The following POU6F2 variants were observed in gnomAD, a reference collection of about 807,000 sequenced individuals.
POU6F2 encodes POU class 6 homeobox 2.
A neutral mutation model predicts 71.3 loss-of-function variants in POU6F2; 31 were observed. The ratio of observed to expected loss-of-function variants is 0.43; its 90% CI spans 0.33 to 0.59. The LOEUF (loss-of-function observed/expected upper bound fraction) is 0.59, where lower values mean the gene tolerates loss of function less well. Among genes scored for constraint, POU6F2 ranks in the 20% least tolerant of loss-of-function variants. POU6F2 has a pLI of 0.04. For synonymous variants in POU6F2, 347 were observed against 355.7 expected (o/e 0.98, Z 0.27); for missense variants, 783 against 856.8 (o/e 0.91, Z 1.07).
Position 39,433,168 on chromosome 7 carries a change from C to T in POU6F2, c.1205C>T (p.Pro402Leu). 2 of 1,613,858 alleles carry T rather than the reference C, an allele frequency of 1.2e-6. No individual in the cohort carries two copies. Among genetic ancestry groups the T allele is most frequent in the Non-Finnish European group, 1.7e-6 (2 of 1,179,884 alleles). Residue 402 changes from proline to leucine, a missense_variant, in exon 7 of 10, where the codon CCC becomes CTC. Coordinates refer to ENST00000518318, the MANE Select transcript of POU6F2 (RefSeq NM_001370959.1). Reference sequence around the variant, plus strand: ...GGCTTGCAAGTGCAGCCAATCACCCCCCAGCTCCTCACAAACGCCCAGGGC... The same window carrying T: ...GGCTTGCAAGTGCAGCCAATCACCCTCCAGCTCCTCACAAACGCCCAGGGC... ...TQGLQVQPIT[P>L]QLLTNAQGQI... is the part of the protein sequence containing the mutation.
chr7:39,293,189 G>T (rs12701718), intron 4 of POU6F2, among the ~76,000 whole-genome samples: 69,502 of 151,990 alleles, frequency 0.46, 16,703 homozygotes, highest in Admixed American at 0.59. Context: ...TCTGCTGCGG[G>T]TCAGCTGGCT....
chr7:39,003,018 T>A (rs895058675), intron 1 of POU6F2, among the ~76,000 whole-genome samples: 1 of 152,234 alleles, frequency 6.6e-6, no homozygotes, highest in African/African-American at 2.4e-5. Context: ...CACAATTTAG[T>A]TATCTTCGTT....
At chr7:39,389,591 T>C (rs1322593073) in intron 5 of POU6F2, among the ~76,000 whole-genome samples, 9 of 152,198 alleles carry the variant, frequency 5.9e-5, no homozygotes, top group Non-Finnish European at 1.0e-4. Context: ...TTACAGAAGC[T>C]AAGGAAAATA....
chr7:39,447,930 A>G (rs965917748), intron 7 of POU6F2, among the ~76,000 whole-genome samples: 4 of 152,240 alleles, frequency 2.6e-5, no homozygotes, highest in Non-Finnish European at 5.9e-5. Flanking sequence ...TAAGTAACAT[A>G]TTCCTAATGC....
intron 2 of POU6F2, 73 bp downstream of exon 2, chr7:39,086,104 C>G: frequency 2.1e-6 from 3 of 1,423,016 alleles, no homozygotes; most frequent in Non-Finnish European, 2.8e-6. Flanking sequence ...CCCCAACCCC[C>G]CCTTTTTTTC....
chr7:39,039,822 T>A (rs577530313), intron 1 of POU6F2, among the ~76,000 whole-genome samples: 3 of 150,748 alleles, frequency 2.0e-5, no homozygotes, highest in Non-Finnish European at 4.4e-5. Context: ...GGAGAGTGCA[T>A]TTGGAAATCA....
intron 2 of POU6F2, among the ~76,000 whole-genome samples, chr7:39,111,938 G>T (rs184526979): frequency 6.6e-6 from 1 of 152,152 alleles, no homozygotes; most frequent in African/African-American, 2.4e-5. Context: ...AAGCTTTAGG[G>T]AATTGAATTT....
At chr7:39,027,411 C>G (rs1402967596) in intron 1 of POU6F2, among the ~76,000 whole-genome samples, 4 of 152,118 alleles carry the variant, frequency 2.6e-5, no homozygotes, top group African/African-American at 9.7e-5. Flanking sequence ...CTGCAGTGCT[C>G]AAAACCCTAT....
chr7:39,460,690 G>A lies in POU6F2; in HGVS notation c.1633G>A (p.Ala545Thr), dbSNP rs1318441973. Reference protein sequence around the residue: ...GQALSATEGPAYSQSAICRHT... With the variant: ...GQALSATEGPTYSQSAICRHT... ...GGCTCTCAGTGCTACAGAGGGCCCC[G>A]CGTACAGCCAGTCGGCCATCTGCAG... is the stretch of plus-strand genomic sequence containing the variant. The change falls in exon 9 of 10, where the codon GCG (alanine) becomes ACG (threonine). Residue 545 changes from alanine (A) to threonine (T), a missense_variant. Physicochemically the swap from Ala to Thr is moderately conservative, Grantham distance 58. Around this residue, in one of 2 missense-constraint regions of POU6F2, gnomAD observed 211 missense variants for 283.9 expected, o/e 0.74. Transcript: ENST00000518318. This position sits in a 1 kb window ranked among gnomAD's most constrained non-coding sequence, Gnocchi z 4.4. 12 of 1,605,172 alleles carry A rather than the reference G, an allele frequency of 7.5e-6. No individual in the cohort carries two copies. Among genetic ancestry groups the A allele is most frequent in the South Asian group, 3.3e-5 (3 of 89,640 alleles).
intron 4 of POU6F2, among the ~76,000 whole-genome samples, chr7:39,209,347 A>G (rs1316902103): frequency 6.6e-6 from 1 of 152,212 alleles, no homozygotes; most frequent in Non-Finnish European, 1.5e-5. Flanking sequence ...CACTTCTGAC[A>G]CAATTTCCCT....
At chr7:39,311,353 A>G (rs1022906743) in intron 4 of POU6F2, among the ~76,000 whole-genome samples, 11 of 151,612 alleles carry the variant, frequency 7.3e-5, no homozygotes, top group African/African-American at 2.4e-4. Context: ...GACCCATTGC[A>G]CTTCTCATCA....
chr7:39,214,223 C>T (rs1794196698), intron 4 of POU6F2, among the ~76,000 whole-genome samples: 2 of 152,100 alleles, frequency 1.3e-5, no homozygotes, highest in African/African-American at 4.8e-5. Flanking sequence ...GCATTCTGGC[C>T]TCCTTGGTGT....
At chr7:39,267,119 T>G (rs1415132642) in intron 4 of POU6F2, among the ~76,000 whole-genome samples, 1 of 152,066 alleles carries the variant, frequency 6.6e-6, no homozygotes, top group Non-Finnish European at 1.5e-5. Context: ...ATAACATAAT[T>G]GGAGAAGAAA....
At chr7:38,999,583 T>C (rs967212601) in intron 1 of POU6F2, among the ~76,000 whole-genome samples, 1 of 152,166 alleles carries the variant, frequency 6.6e-6, no homozygotes, top group African/African-American at 2.4e-5. Flanking sequence ...CCACCTAAAA[T>C]AAGCCCTTGC....
At chr7:39,282,640 G>A (rs1439660550) in intron 4 of POU6F2, among the ~76,000 whole-genome samples, 1 of 151,860 alleles carries the variant, frequency 6.6e-6, no homozygotes, top group Non-Finnish European at 1.5e-5. Context: ...TGTTGGTCTT[G>A]GGGTCTGTTT....
intron 1 of POU6F2, among the ~76,000 whole-genome samples, chr7:38,998,653 CATT>C (rs1350468708): frequency 7.5e-6 from 1 of 133,402 alleles, no homozygotes; most frequent in Non-Finnish European, 1.7e-5. Context: ...GTGTTAATCA[CATT>C]TTTTTTTTTT....
chr7:39,114,895 G>A (rs896398482), intron 2 of POU6F2, among the ~76,000 whole-genome samples: 2 of 152,098 alleles, frequency 1.3e-5, no homozygotes, highest in African/African-American at 4.8e-5. Flanking sequence ...CAGACAGATA[G>A]GTGAGCACAT....
chr7:39,104,248 A>C (rs950442850), intron 2 of POU6F2, among the ~76,000 whole-genome samples: 1 of 152,122 alleles, frequency 6.6e-6, no homozygotes, highest in African/African-American at 2.4e-5. Context: ...ACTAAAACCC[A>C]CTCCAGAACA....
intron 4 of POU6F2, among the ~76,000 whole-genome samples, chr7:39,278,467 C>T (rs1693867427): frequency 6.6e-6 from 1 of 152,114 alleles, no homozygotes; most frequent in African/African-American, 2.4e-5. Flanking sequence ...ATGAAAAAAG[C>T]CCACCCTCTA....
Sources: gnomAD v4.1 joint callset for allele counts (sites outside exome capture counted in the v4.1 genomes callset) on GRCh38, gnomAD v4.1.1 for gene constraint, gnomAD v4.1.1 regional missense constraint, Gnocchi (gnomAD v3.1) non-coding constraint, MANE v1.5 for transcripts, NCBI Gene and HGNC (gene_info 2026-07-23, HGNC 2026-07-21) for gene names.